ENTPD5: variants seen among roughly 807,000 people sequenced by gnomAD.
ENTPD5 encodes nucleoside diphosphate phosphatase ENTPD5.
ENTPD5 carries 49 observed loss-of-function variants against 60.2 expected under a neutral mutation model. The observed-to-expected ratio is 0.81, with a 90% confidence interval of 0.65 to 1.03. The LOEUF (loss-of-function observed/expected upper bound fraction) is 1.03, where lower values mean the gene tolerates loss of function less well. Among genes scored for constraint, ENTPD5 ranks in the 50% least tolerant of loss-of-function variants. The pLI is 0.00. For missense variants in ENTPD5, 480 were observed against 507.6 expected, an observed-to-expected ratio of 0.95 and a Z score of 0.52; for synonymous variants, 187 against 185.4, an observed-to-expected ratio of 1.01 and a Z score of -0.07.
At chr14:73,985,104 G>A (rs1206423493) in intron 5 of ENTPD5, among the ~76,000 whole-genome samples, 1 of 152,118 alleles carries the variant, frequency 6.6e-6, no homozygotes, top group African/African-American at 2.4e-5. Context: ...GTATTCCATG[G>A]TGTATATGTG....
chr14:73,959,398 G>GT, downstream of ENTPD5: 2 of 1,614,144 alleles, frequency 1.2e-6, no homozygotes, highest in Admixed American at 3.3e-5. Context: ...GTTGGTATTG[G>GT]TGTTCTTTTG....
intron 7 of ENTPD5, 30 bp from the exon 8 acceptor site, chr14:73,977,089 C>T: frequency 1.9e-6 from 3 of 1,600,348 alleles, no homozygotes; most frequent in Non-Finnish European, 2.6e-6. Context: ...AGGATTAGAT[C>T]CCAGAGCATT....
At chr14:73,982,455 C>T (rs780272338) in intron 6 of ENTPD5, among the ~76,000 whole-genome samples, 5 of 151,920 alleles carry the variant, frequency 3.3e-5, no homozygotes, top group Non-Finnish European at 5.9e-5. Flanking sequence ...CTTTAAAAAT[C>T]TAAAAGAATG....
At chr14:73,980,559 G>A (rs909807089) in intron 6 of ENTPD5, among the ~76,000 whole-genome samples, 19 of 151,938 alleles carry the variant, frequency 1.3e-4, no homozygotes, top group East Asian at 5.8e-4. Flanking sequence ...CTACCACACC[G>A]GGACTTAATT....
intron 7 of ENTPD5, 36 bp downstream of exon 7, chr14:73,977,263 C>A: frequency 6.5e-7 from 1 of 1,534,346 alleles, no homozygotes; most frequent in Non-Finnish European, 9.0e-7. Context: ...GATCCTGCCC[C>A]TCTCCCCCTG....
chr14:73,990,390 A>G (rs111786594), intron 3 of ENTPD5, among the ~76,000 whole-genome samples: 19,933 of 151,888 alleles, frequency 0.13, 1,451 homozygotes, highest in Admixed American at 0.2. Flanking sequence ...GCTGGAGTGC[A>G]GTGGCACAAT....
chr14:74,007,163 G>A (rs1441568880), intron 3 of ENTPD5, among the ~76,000 whole-genome samples: 4 of 152,192 alleles, frequency 2.6e-5, no homozygotes, highest in South Asian at 4.1e-4. Context: ...TACTCAGGAG[G>A]ATCACTTGAG....
chr14:73,957,475 GTGTTT>G (rs888735957), downstream of ENTPD5, among the ~76,000 whole-genome samples: 12 of 152,226 alleles, frequency 7.9e-5, no homozygotes, highest in East Asian at 5.8e-4. Context: ...TTTGGAGATA[GTGTTT>G]TGTTTTGTTT....
chr14:73,955,677 TA>T, downstream of ENTPD5: 1 of 1,487,722 alleles, frequency 6.7e-7, no homozygotes, highest in Non-Finnish European at 9.4e-7. Flanking sequence ...TCTCATTTTA[TA>T]TTTTCCTACC....
rs778055966 is a variant in ENTPD5 at position 73,988,045 on chromosome 14, C to T, written c.58G>A (p.Ala20Thr). The T allele has an allele frequency of 8.7e-6, 14 of 1,613,764 alleles. No homozygotes were observed. Among genetic ancestry groups the T allele is most frequent in the South Asian group, 6.6e-5 (6 of 91,002 alleles). Reference protein sequence around the residue: ...FMLVVSCVCSAVSHRNQQTWF... With the variant: ...FMLVVSCVCSTVSHRNQQTWF... ...GTCTGCTGGTTCCTGTGGGAGACAG[C>T]GCTGCAAACACAGGATACCACCAGC... Residue 20 changes from alanine (A) to threonine (T), a missense_variant, in exon 4 of 16, where the codon GCT (alanine) becomes ACT (threonine). Transcript: ENST00000334696.
At chr14:73,974,109 A>G in intron 11 of ENTPD5, 131 bp from the exon 12 acceptor site, 1 of 690,832 alleles carries the variant, frequency 1.4e-6, no homozygotes, top group South Asian at 1.8e-5. Context: ...AATTAATTCC[A>G]TGACAACATC....
At chr14:73,976,198 T>C (rs953748206) in intron 9 of ENTPD5, 126 bp downstream of exon 9, 4 of 870,832 alleles carry the variant, frequency 4.6e-6, no homozygotes, top group Non-Finnish European at 7.5e-6. Flanking sequence ...ATTCACCTAG[T>C]TATTAATTGA....
chr14:74,000,844 G>A (rs1315461516), intron 3 of ENTPD5, among the ~76,000 whole-genome samples: 1 of 152,060 alleles, frequency 6.6e-6, no homozygotes, highest in Non-Finnish European at 1.5e-5. Context: ...AATAACTACA[G>A]AAATAATAGA....
At chr14:73,998,582 GA>G (rs140230960) in intron 3 of ENTPD5, among the ~76,000 whole-genome samples, 25,739 of 149,532 alleles carry the variant, frequency 0.17, 2,386 homozygotes, top group African/African-American at 0.22. Context: ...TACTAAGTTG[GA>G]AAAAAAAAAT....
chr14:73,982,457 A>G (rs1170447389), intron 6 of ENTPD5, among the ~76,000 whole-genome samples: 1 of 152,156 alleles, frequency 6.6e-6, no homozygotes, highest in Non-Finnish European at 1.5e-5. Flanking sequence ...TTAAAAATCT[A>G]AAAGAATGAA....
chr14:73,968,014 C>G (rs982328417), intron 15 of ENTPD5, among the ~76,000 whole-genome samples: 4 of 151,896 alleles, frequency 2.6e-5, no homozygotes, highest in African/African-American at 9.7e-5. Context: ...ATCCCAGCTA[C>G]TTCGGAGGCT....
intron 3 of ENTPD5, among the ~76,000 whole-genome samples, chr14:74,006,475 G>A (rs1193596130): frequency 6.6e-6 from 1 of 151,774 alleles, no homozygotes; most frequent in Non-Finnish European, 1.5e-5. Context: ...AGCAGAGACG[G>A]GGTTTCACTG....
At chr14:73,957,100 TA>T (rs200787774), downstream of ENTPD5, among the ~76,000 whole-genome samples, 24 of 122,412 alleles carry the variant, frequency 2.0e-4, no homozygotes, top group East Asian at 1.6e-3. Context: ...TTATTATTAT[TA>T]TTTTTTTTTT....
intron 3 of ENTPD5, among the ~76,000 whole-genome samples, chr14:73,994,799 T>G (rs1252952734): frequency 6.6e-6 from 1 of 151,920 alleles, no homozygotes; most frequent in Non-Finnish European, 1.5e-5. Context: ...TCTGCACAGC[T>G]TGCTCGTTCA....
Sources: gnomAD v4.1 joint callset for allele counts (sites outside exome capture counted in the v4.1 genomes callset) on GRCh38, gnomAD v4.1.1 for gene constraint, MANE v1.5 for transcripts, NCBI Gene and HGNC (gene_info 2026-07-23, HGNC 2026-07-21) for gene names.